The following SEMA6A variants were observed in gnomAD, a reference collection of about 807,000 sequenced individuals.
The protein encoded by SEMA6A is semaphorin 6A.
SEMA6A carries 25 observed loss-of-function variants against 96.8 expected under a neutral mutation model. That is an observed-to-expected ratio of 0.26 (90% CI 0.19 to 0.36). SEMA6A has a LOEUF of 0.36. Among genes scored for constraint, SEMA6A ranks in the 10% least tolerant of loss-of-function variants. SEMA6A has a pLI of 1.00. For missense variants in SEMA6A, 1,363 were observed against 1,323.1 expected (o/e 1.03, Z -0.47); for synonymous variants, 612 against 518.0 (o/e 1.18, Z -2.46).
In SEMA6A at chr5:116,480,006, A is replaced by G. The variant is rs566006956; in HGVS notation, c.1250+116T>C. 1.8e-5 allele frequency: 22 copies of G among 1,222,630 alleles called. No homozygotes were observed. In the South Asian group the frequency reaches 2.9e-4, roughly 16 times the overall value. 75.7% of individuals were successfully genotyped at this position (1,222,630 alleles called of 1,614,324 possible). A position where few individuals can be genotyped will look rare whatever the true frequency, so the allele number is the denominator to read the frequency against. ...TCGGCCACCATTTCACAGCTGAATG[A>G]ATGCCCAGGATAGCAGAAGATGTTT... On this transcript the variant is annotated intron_variant, in intron 12 of 18. Coordinates refer to ENST00000343348, the MANE Select transcript of SEMA6A (RefSeq NM_020796.5).
intron 1 of SEMA6A, among the ~76,000 whole-genome samples, chr5:116,523,182 TTCC>T (rs1476754798): frequency 6.6e-6 from 1 of 152,132 alleles, no homozygotes; most frequent in African/African-American, 2.4e-5. Flanking sequence ...AAAGGCATGT[TTCC>T]TCCTTTTTTG....
At chr5:116,506,872 TTGACA>T (rs1436817502) in intron 1 of SEMA6A, among the ~76,000 whole-genome samples, 3 of 152,240 alleles carry the variant, frequency 2.0e-5, no homozygotes, top group African/African-American at 7.2e-5. Context: ...TTAATTTTTC[TTGACA>T]TGACAAACGA....
chr5:116,477,923 G>A lies in SEMA6A; in HGVS notation c.1572C>T (p.Thr524=), dbSNP rs1004264948. The part of the protein sequence containing the change: ...RCERHGKCKK[T]CIASRDPYCG... Reference sequence around the variant, plus strand: ...AATATGGGTCTCTGGAGGCAATACAGGTTCTGCAGGAAGAGGATGACCATG... The same window carrying A: ...AATATGGGTCTCTGGAGGCAATACAAGTTCTGCAGGAAGAGGATGACCATG... The change falls in exon 15 of 19, where the codon ACC becomes ACT. Residue 524 remains threonine (T), a synonymous_variant. Transcript: ENST00000343348. 5.0e-6 allele frequency: 8 copies of A among 1,613,844 alleles called. No homozygotes were observed. Among genetic ancestry groups the A allele is most frequent in the African/African-American group, 1.3e-5 (1 of 74,918 alleles).
chr5:116,518,368 A>G (rs916717977), intron 1 of SEMA6A, among the ~76,000 whole-genome samples: 1 of 152,232 alleles, frequency 6.6e-6, no homozygotes, highest in Admixed American at 6.5e-5. Context: ...CTGCAATCCA[A>G]TTATCAGGAG....
chr5:116,566,341 A>C (rs1761028697), intron 1 of SEMA6A, among the ~76,000 whole-genome samples: 3 of 152,192 alleles, frequency 2.0e-5, no homozygotes, highest in Non-Finnish European at 4.4e-5. Flanking sequence ...GTTAGTTGGA[A>C]ATTCCTAGAA....
intron 1 of SEMA6A, among the ~76,000 whole-genome samples, chr5:116,542,847 A>C (rs181532705): frequency 5.8e-4 from 88 of 152,162 alleles, no homozygotes; most frequent in African/African-American, 1.9e-3. Context: ...TGTTTGCTTC[A>C]CTTCCCCGGC....
At position 116,444,579 on chromosome 5, in the gene SEMA6A, G is replaced by C. The variant is rs1754072650; in HGVS notation, c.*2034C>G. Reference sequence around the variant, plus strand: ...TTTGTTCATGATAGAGTAAACAAAAGTCCCTTTTGTGTGCTTGAGCAAATG... The same window carrying C: ...TTTGTTCATGATAGAGTAAACAAAACTCCCTTTTGTGTGCTTGAGCAAATG... On this transcript the variant is annotated 3_prime_UTR_variant, in exon 19 of 19. Transcript: ENST00000343348. 6.6e-6 allele frequency: 1 copy of C among 152,628 alleles called. No individual in the cohort carries two copies. The highest frequency in any genetic ancestry group is 1.5e-5 in the Non-Finnish European group (1 of 68,028). The allele number at this position is 152,628 out of a possible 1,614,324, so 9.5% of individuals were successfully genotyped here. A position where few individuals can be genotyped will look rare whatever the true frequency, so the allele number is the denominator to read the frequency against.
At chr5:116,492,642 C>T (rs1384587044) in intron 6 of SEMA6A, among the ~76,000 whole-genome samples, 2 of 152,208 alleles carry the variant, frequency 1.3e-5, no homozygotes, top group East Asian at 1.9e-4. Context: ...CCTAGATAAT[C>T]TTGATAATCT....
chr5:116,495,473 G>A lies in SEMA6A; in HGVS notation c.384C>T (p.Asn128=), dbSNP rs370564158. 1.6e-5 allele frequency: 25 copies of A among 1,608,608 alleles called. No homozygotes were observed. The highest frequency in any genetic ancestry group is 8.0e-5 in the African/African-American group (6 of 74,886). The change falls in exon 6 of 19, where the codon AAC becomes AAT. Residue 128 remains asparagine (N), a synonymous_variant. Coordinates refer to ENST00000343348, the MANE Select transcript of SEMA6A (RefSeq NM_020796.5). ...TTCCACAGACAAACAATGCATCATC[G>A]TTTTTCTTTAGAAGAACTTTAATAA... The part of the protein sequence containing the change: ...HNFIKVLLKK[N]DDALFVCGTN...
intron 1 of SEMA6A, among the ~76,000 whole-genome samples, chr5:116,553,674 G>C (rs1183139201): frequency 6.6e-6 from 1 of 152,112 alleles, no homozygotes; most frequent in Non-Finnish European, 1.5e-5. Context: ...GCATATTCTA[G>C]CTCCTTTAGT....
chr5:116,570,243 TCA>T (rs1368345197), intron 1 of SEMA6A, among the ~76,000 whole-genome samples: 1 of 152,154 alleles, frequency 6.6e-6, no homozygotes, highest in African/African-American at 2.4e-5. Flanking sequence ...AGAGAATAGC[TCA>T]GTTGCTCTTG....
Position 116,484,554 on chromosome 5 carries a change from G to T in SEMA6A, c.963-1979C>A, listed in dbSNP as rs620688. 8.5e-3 allele frequency among the ~76,000 whole-genome samples: 1,291 copies of T among 152,226 alleles called. 7 individuals are homozygous for T. Among genetic ancestry groups the T allele is most frequent in the Non-Finnish European group, 0.011 (778 of 68,034 alleles). ...TAAGGAGAATTGCTTGAACAAGGAG[G>T]CGGAGGTTGCAGCGAGTAGAGATGG... On this transcript the variant is annotated intron_variant, in intron 10 of 18. Coordinates refer to ENST00000343348, the MANE Select transcript of SEMA6A (RefSeq NM_020796.5).
chr5:116,484,484 G>T (rs1433309866), intron 10 of SEMA6A, among the ~76,000 whole-genome samples: 1 of 152,018 alleles, frequency 6.6e-6, no homozygotes, highest in Non-Finnish European at 1.5e-5. Flanking sequence ...CCCTCAGTTG[G>T]CTCACACTTC....
At chr5:116,532,108 G>A (rs1315671551) in intron 1 of SEMA6A, among the ~76,000 whole-genome samples, 1 of 152,176 alleles carries the variant, frequency 6.6e-6, no homozygotes, top group Non-Finnish European at 1.5e-5. Context: ...TTGCCTTGCT[G>A]AGGAAATTAA....
chr5:116,447,346 C>T lies in SEMA6A; in HGVS notation c.2360G>A (p.Cys787Tyr). The change falls in exon 19 of 19, where the codon TGC (cysteine) becomes TAC (tyrosine). Residue 787 changes from cysteine (C) to tyrosine (Y), a missense_variant. Coordinates refer to ENST00000343348, the MANE Select transcript of SEMA6A (RefSeq NM_020796.5). ...WERNQNLINA[C>Y]TKDMPPMGSP... is the part of the protein sequence containing the mutation. The stretch of plus-strand genomic sequence containing the variant: ...GCCCATGGGGGGCATGTCCTTTGTG[C>T]AGGCATTGATGAGGTTCTGGTTCCT... 1 of 1,613,894 alleles carries T rather than the reference C, an allele frequency of 6.2e-7. No homozygotes were observed. The highest frequency in any genetic ancestry group is 8.5e-7 in the Non-Finnish European group (1 of 1,179,896).
chr5:116,500,399 C>T lies in SEMA6A; in HGVS notation c.218+1811G>A, dbSNP rs1757819364. 2.0e-5 allele frequency among the ~76,000 whole-genome samples: 3 copies of T among 152,256 alleles called. No homozygotes were observed. In the East Asian group the frequency reaches 5.8e-4, roughly 29 times the overall value. On this transcript the variant is annotated intron_variant, in intron 3 of 18. Transcript: ENST00000343348. ...ATAAGACATGGGAATAATAATAGCT[C>T]CTTCTTGTAGGGTTGTTTCCAGGAT...
At chr5:116,481,402 C>T (rs989094764) in intron 11 of SEMA6A, among the ~76,000 whole-genome samples, 2 of 152,172 alleles carry the variant, frequency 1.3e-5, no homozygotes, top group African/African-American at 4.8e-5. Flanking sequence ...GTGTGCTTTT[C>T]ACACCTAGTC....
chr5:116,547,045 T>A (rs1247646281), intron 1 of SEMA6A, among the ~76,000 whole-genome samples: 1 of 152,222 alleles, frequency 6.6e-6, no homozygotes, highest in Non-Finnish European at 1.5e-5. Flanking sequence ...TTCCTTAGGC[T>A]TATTGTCTGA....
intron 1 of SEMA6A, 83 bp from the exon 2 acceptor site, chr5:116,505,065 G>C (rs943826853): frequency 1.5e-6 from 1 of 649,636 alleles, no homozygotes; most frequent in Non-Finnish European, 2.6e-6. Context: ...AGATAAATTC[G>C]AGAGAAAAAA....
Sources: allele counts gnomAD v4.1 joint callset (sites outside exome capture counted in the v4.1 genomes callset), GRCh38; gene constraint gnomAD v4.1.1; transcripts MANE v1.5; gene names NCBI Gene and HGNC (gene_info 2026-07-23, HGNC 2026-07-21).